PPM1H: variants seen among roughly 807,000 people sequenced by gnomAD.
PPM1H encodes the protein protein phosphatase 1H.
PPM1H carries 27 observed loss-of-function variants against 54.9 expected under a neutral mutation model. That is an observed-to-expected ratio of 0.49 (90% CI 0.36 to 0.68). The LOEUF is 0.68. Among genes scored for constraint, PPM1H ranks in the 30% least tolerant of loss-of-function variants. The pLI is 0.00. For missense variants in PPM1H, 596 were observed against 667.8 expected (o/e 0.89, Z 1.19); for synonymous variants, 305 against 270.8 (o/e 1.13, Z -1.24).
intron 1 of PPM1H, among the ~76,000 whole-genome samples, chr12:62,853,798 C>G (rs1869283038): frequency 6.6e-6 from 1 of 152,196 alleles, no homozygotes; most frequent in African/African-American, 2.4e-5. Context: ...TTTCTATTGT[C>G]TGTCTTGCTA....
In PPM1H at chr12:62,784,974, C is replaced by G. The variant is rs1341219820; in HGVS notation, c.869+3252G>C. Among the ~76,000 whole-genome samples the G allele has an allele frequency of 1.3e-5, 2 of 152,050 alleles. 1 individual carries two copies. Among genetic ancestry groups the G allele is most frequent in the African/African-American group, 4.8e-5 (2 of 41,386 alleles). ...AAACCCAAATAATCAACTACAAAAC[C>G]CCAAATTTATATCTGGATACTGGGA... On this transcript the variant is annotated intron_variant, in intron 4 of 9. Transcript: ENST00000228705.
At chr12:62,922,192 C>G (rs914708827) in intron 1 of PPM1H, among the ~76,000 whole-genome samples, 1 of 152,272 alleles carries the variant, frequency 6.6e-6, no homozygotes, top group South Asian at 2.1e-4. Flanking sequence ...TTTTAAAGTA[C>G]TGTTAAATGT....
intron 4 of PPM1H, among the ~76,000 whole-genome samples, chr12:62,759,111 G>A (rs1430202689): frequency 3.3e-5 from 5 of 152,076 alleles, no homozygotes; most frequent in East Asian, 1.9e-4. Context: ...CTCTCTTTTT[G>A]GACTCAGCCC....
intron 6 of PPM1H, among the ~76,000 whole-genome samples, chr12:62,713,976 A>C (rs1416137924): frequency 6.6e-6 from 1 of 151,714 alleles, no homozygotes; most frequent in Non-Finnish European, 1.5e-5. Flanking sequence ...TTTAAAAAAA[A>C]CAAAAAAAAC....
chr12:62,707,404 C>T (rs2076181914), intron 6 of PPM1H, among the ~76,000 whole-genome samples: 2 of 152,282 alleles, frequency 1.3e-5, no homozygotes, highest in South Asian at 4.1e-4. Context: ...AAGGGGATAA[C>T]CAGGGGCAAA....
intron 1 of PPM1H, among the ~76,000 whole-genome samples, chr12:62,913,945 T>G (rs561775013): frequency 1.3e-5 from 2 of 152,194 alleles, no homozygotes; most frequent in African/African-American, 4.8e-5. Context: ...AGTGACCCGC[T>G]GGCCTCAGCC....
chr12:62,659,620 CAAAAA>C (rs948757392), intron 9 of PPM1H, among the ~76,000 whole-genome samples: 10 of 152,056 alleles, frequency 6.6e-5, no homozygotes, highest in Non-Finnish European at 1.0e-4. Flanking sequence ...AAAAGAAAAA[CAAAAA>C]GAAAAGGAAC....
chr12:62,887,474 A>G (rs111856808), intron 1 of PPM1H, among the ~76,000 whole-genome samples: 22 of 152,176 alleles, frequency 1.4e-4, no homozygotes, highest in African/African-American at 5.1e-4. Context: ...TTATTAATGT[A>G]CCAGGCATGA....
chr12:62,715,291 C>T (rs2076228727), intron 6 of PPM1H, among the ~76,000 whole-genome samples: 1 of 152,120 alleles, frequency 6.6e-6, no homozygotes, highest in African/African-American at 2.4e-5. Context: ...GGGATTCTGG[C>T]ACCGGGACCA....
intron 2 of PPM1H, among the ~76,000 whole-genome samples, chr12:62,810,553 T>A (rs11174658): frequency 0.066 from 9,996 of 152,312 alleles, 446 homozygotes; most frequent in Middle Eastern, 0.12. Flanking sequence ...CTCAGTTTGG[T>A]ATTAACTCTA....
intron 1 of PPM1H, among the ~76,000 whole-genome samples, chr12:62,863,325 G>T (rs1330691125): frequency 2.0e-5 from 3 of 152,102 alleles, no homozygotes; most frequent in African/African-American, 7.2e-5. Context: ...GACTGTGCCT[G>T]GCCCAGAGCT....
intron 1 of PPM1H, among the ~76,000 whole-genome samples, chr12:62,896,530 C>T (rs1870994854): frequency 6.6e-6 from 1 of 152,176 alleles, no homozygotes; most frequent in Non-Finnish European, 1.5e-5. Context: ...CAGAGAAATG[C>T]AAATCAAAAC....
intron 5 of PPM1H, among the ~76,000 whole-genome samples, chr12:62,727,059 C>T (rs530202995): frequency 5.3e-4 from 80 of 152,092 alleles, no homozygotes; most frequent in South Asian, 2.9e-3. Context: ...GGATTACAGG[C>T]GCCCGCTACC....
intron 8 of PPM1H, among the ~76,000 whole-genome samples, chr12:62,683,075 A>G (rs530861902): frequency 8.4e-5 from 10 of 118,378 alleles, no homozygotes; most frequent in Non-Finnish European, 1.4e-4. Context: ...TATTATTATT[A>G]TTATTATTAT....
intron 2 of PPM1H, among the ~76,000 whole-genome samples, chr12:62,826,112 G>A (rs1366212263): frequency 6.6e-6 from 1 of 152,150 alleles, no homozygotes; most frequent in Non-Finnish European, 1.5e-5. Context: ...ATGGCTAAGA[G>A]TTGTCTTTAA....
chr12:62,658,921 C>A (rs758311127), intron 9 of PPM1H: 36 of 677,850 alleles, frequency 5.3e-5, no homozygotes, highest in Non-Finnish European at 8.8e-5. Flanking sequence ...TTAAGCGTAA[C>A]TGGCAGAAAC....
chr12:62,934,917 C>T lies in PPM1H; in HGVS notation c.-181G>A. The T allele has an allele frequency of 2.3e-6, 1 of 436,460 alleles. No homozygotes were observed. The highest frequency in any genetic ancestry group is 3.5e-6 in the Non-Finnish European group (1 of 284,324). 27.0% of individuals were successfully genotyped at this position (436,460 alleles called of 1,614,324 possible). A position where few individuals can be genotyped will look rare whatever the true frequency, so the allele number is the denominator to read the frequency against. ...GGGGGCCGAGCCCCGGCCTCTCGTG[C>T]TTAGTGCCGCGGTGGCCGCCGCCTC... On this transcript the variant is annotated 5_prime_UTR_variant, in exon 1 of 10. Transcript: ENST00000228705. The surrounding 1 kb of genome is among the most constrained non-coding windows in gnomAD (Gnocchi z 4.2).
At chr12:62,788,364 T>C in intron 3 of PPM1H, 26 bp from the exon 4 acceptor site, 1 of 1,398,248 alleles carries the variant, frequency 7.2e-7, no homozygotes, top group Non-Finnish European at 9.9e-7. Flanking sequence ...GAGTTAGTGT[T>C]GGATTGTGCA....
intron 2 of PPM1H, among the ~76,000 whole-genome samples, chr12:62,820,649 A>C (rs926472544): frequency 6.6e-6 from 1 of 152,220 alleles, no homozygotes. Context: ...GAACTCCAGG[A>C]AACTCCAACA....
Sources: allele counts gnomAD v4.1 joint callset (sites outside exome capture counted in the v4.1 genomes callset), GRCh38; gene constraint gnomAD v4.1.1; non-coding constraint Gnocchi (gnomAD v3.1); transcripts MANE v1.5; gene names NCBI Gene and HGNC (gene_info 2026-07-23, HGNC 2026-07-21).